Variants in PEX16 observed in about 807,000 individuals in gnomAD.
The protein encoded by PEX16 is peroxin 16.
Under a neutral mutation model 50.5 loss-of-function variants are expected in PEX16, and 37 were observed. The ratio of observed to expected loss-of-function variants is 0.73; its 90% confidence interval spans 0.56 to 0.96. The LOEUF (loss-of-function observed/expected upper bound fraction) is 0.96. PEX16 is among the 40% of genes least tolerant of loss of function. The pLI, the probability that PEX16 is intolerant of heterozygous loss-of-function variation, is 0.00. For missense variants in PEX16, 401 were observed against 438.3 expected (o/e 0.91, Z 0.76); for synonymous variants, 185 against 190.3 (o/e 0.97, Z 0.23).
intron 5 of PEX16, 44 bp from the exon 6 acceptor site, chr11:45,914,728 T>C (rs778674230): frequency 1.3e-6 from 2 of 1,525,448 alleles, no homozygotes; most frequent in Admixed American, 3.3e-5. Flanking sequence ...AGGGACATGC[T>C]TCCAGCGGAG....
chr11:45,911,325 G>A (rs535058732), intron 9 of PEX16, among the ~76,000 whole-genome samples: 6 of 152,162 alleles, frequency 3.9e-5, no homozygotes, highest in Admixed American at 3.3e-4. Flanking sequence ...CCCTGCCCTC[G>A]GGAAGCCCCC....
At chr11:45,910,548 G>A (rs1270654656) in intron 10 of PEX16, among the ~76,000 whole-genome samples, 2 of 152,182 alleles carry the variant, frequency 1.3e-5, no homozygotes, top group Non-Finnish European at 2.9e-5. Flanking sequence ...CCCAACCCAA[G>A]CCCAGTGGGC....
rs563691692 is a variant in PEX16, at chr11:45,910,309, G to A, written c.956C>T (p.Pro319Leu). 8 of 1,613,226 alleles carry A rather than the reference G, an allele frequency of 5.0e-6. No homozygotes were observed. The highest frequency in any genetic ancestry group is 1.7e-4 in the Middle Eastern group (1 of 6,022). The change falls in exon 11 of 11, where the codon CCG (proline) becomes CTG (leucine). Residue 319 changes from proline (P) to leucine (L), a missense_variant. By Grantham distance (98) the Pro-to-Leu change is moderately conservative (BLOSUM62 -3). Transcript: ENST00000378750. ...CCAGGTGGGCAAGTAATCCATGAGC[G>A]GCCCTGCAGTGGGAGAGGGACACAT... ...HVPGVGLVTR[P>L]LMDYLPTWQK...
chr11:45,910,836 G>A, intron 10 of PEX16, 62 bp downstream of exon 10: 2 of 1,334,996 alleles, frequency 1.5e-6, no homozygotes, highest in South Asian at 2.3e-5. Context: ...GAGGAGTCAG[G>A]GAGGTGCTTG....
chr11:45,916,183 C>T, intron 3 of PEX16, 44 bp downstream of exon 3: 1 of 1,421,290 alleles, frequency 7.0e-7, no homozygotes. Context: ...TATTTCATTC[C>T]TGAGTCCCCA....
chr11:45,915,427 C>A (rs1387318380), intron 5 of PEX16, 41 bp downstream of exon 5: 3 of 1,493,600 alleles, frequency 2.0e-6, no homozygotes, highest in East Asian at 4.5e-5. Context: ...CAAGTTAGTC[C>A]CATGGCCCAT....
In PEX16 at chr11:45,913,851, C is replaced by T. The variant is rs1288477248; in HGVS notation, c.855G>A (p.Leu285=). 1 of 1,613,816 alleles carries T rather than the reference C, an allele frequency of 6.2e-7. No individual in the cohort carries two copies. Among genetic ancestry groups the T allele is most frequent in the East Asian group, 2.2e-5 (1 of 44,882 alleles). ...AGCGGTCATAGAAAGGAGAGCGCAG[C>T]AGGTAGTAGAGCAGCAGGATGGTCC... ...RRRTILLLYY[L]LRSPFYDRFS... is the part of the protein sequence containing the mutation. Residue 285 remains leucine, a synonymous_variant, in exon 9 of 11, where the codon CTG becomes CTA. Coordinates refer to ENST00000378750, the MANE Select transcript of PEX16 (RefSeq NM_004813.4).
At chr11:45,912,528 G>A (rs2086789749) in intron 9 of PEX16, among the ~76,000 whole-genome samples, 1 of 152,042 alleles carries the variant, frequency 6.6e-6, no homozygotes, top group South Asian at 2.1e-4. Context: ...AAAAAAGACA[G>A]TGTCTCGCTC....
intron 9 of PEX16, among the ~76,000 whole-genome samples, chr11:45,912,415 C>T (rs2086788234): frequency 6.6e-6 from 1 of 151,988 alleles, no homozygotes. Flanking sequence ...AGGAGAATGG[C>T]ATGAACCCGG....
rs542465430 is a variant in PEX16, at chr11:45,915,456, G to C, written c.460+12C>G. On this transcript the variant is annotated intron_variant, in intron 5 of 10. Transcript: ENST00000378750. ...GGCCCATTCCGCTCCAGGGCTTGGGGAAGTAGCTCACCCGGGGGCTGTGCC... is the reference window on the plus strand; with the variant it reads ...GGCCCATTCCGCTCCAGGGCTTGGGCAAGTAGCTCACCCGGGGGCTGTGCC... 1.2e-6 allele frequency: 2 copies of C among 1,608,664 alleles called. No individual in the cohort carries two copies. The highest frequency in any genetic ancestry group is 1.7e-5 in the Admixed American group (1 of 60,026).
chr11:45,916,973 C>G (rs950982141), intron 2 of PEX16: 1 of 460,736 alleles, frequency 2.2e-6, no homozygotes, highest in Non-Finnish European at 4.3e-6. Flanking sequence ...CCTGGCCTCA[C>G]CTCTGCTTTT....
rs769199658 is a variant in PEX16, at chr11:45,913,865, G to A, written c.841C>T (p.Leu281=). Residue 281 remains leucine (L), a synonymous_variant, in exon 9 of 11, where the codon CTG becomes TTG. Coordinates refer to ENST00000378750, the MANE Select transcript of PEX16 (RefSeq NM_004813.4). Reference sequence around the variant, plus strand: ...GGAGAGCGCAGCAGGTAGTAGAGCAGCAGGATGGTCCGGCGCCGCAGCTCC... The same window carrying A: ...GGAGAGCGCAGCAGGTAGTAGAGCAACAGGATGGTCCGGCGCCGCAGCTCC... ...RRELRRRTIL[L]LYYLLRSPFY... The A allele has an allele frequency of 6.2e-7, 1 of 1,613,606 alleles. No individual in the cohort carries two copies.
chr11:45,916,147 T>G, intron 3 of PEX16, 80 bp downstream of exon 3: 1 of 1,018,928 alleles, frequency 9.8e-7, no homozygotes, highest in Non-Finnish European at 1.6e-6. Context: ...ATGAGACATG[T>G]GCTGCACGCA....
intron 2 of PEX16, 30 bp downstream of exon 2, chr11:45,917,428 C>G (rs200277050): frequency 9.6e-5 from 154 of 1,611,430 alleles, no homozygotes; most frequent in Non-Finnish European, 1.3e-4. Flanking sequence ...CAGCCGATCC[C>G]CCATCCCCCA....
chr11:45,910,071 C>A lies in PEX16; in HGVS notation c.*183G>T. The A allele has an allele frequency of 6.2e-7, 1 of 1,602,918 alleles. No individual in the cohort carries two copies. The highest frequency in any genetic ancestry group is 1.3e-5 in the African/African-American group (1 of 74,814). On this transcript the variant is annotated 3_prime_UTR_variant, in exon 11 of 11. Transcript: ENST00000378750. ...GACAAGGTGCGGGCTGCAGTGGCATCGTCACAGGAGAGCGCAGTCAAGGGT... is the reference window on the plus strand; with the variant it reads ...GACAAGGTGCGGGCTGCAGTGGCATAGTCACAGGAGAGCGCAGTCAAGGGT...
chr11:45,914,592 T>G lies in PEX16; in HGVS notation c.541+12A>C. ...CACCTAGGTGCCCAGGCCAGCCACA[T>G]CCTCCACTTACTGTTCTGGAGGGTT... On this transcript the variant is annotated intron_variant, in intron 6 of 10. Coordinates refer to ENST00000378750, the MANE Select transcript of PEX16 (RefSeq NM_004813.4). 1.2e-6 allele frequency: 2 copies of G among 1,613,816 alleles called. No homozygotes were observed. Among genetic ancestry groups the G allele is most frequent in the South Asian group, 2.2e-5 (2 of 91,082 alleles).
chr11:45,910,356 C>T (rs368461476), intron 10 of PEX16, 44 bp from the exon 11 acceptor site: 3 of 1,510,394 alleles, frequency 2.0e-6, no homozygotes, highest in Non-Finnish European at 1.8e-6. Context: ...AGACCCCAAT[C>T]TGCACTGTGG....
chr11:45,913,295 T>G (rs2086796840), intron 9 of PEX16, among the ~76,000 whole-genome samples: 1 of 152,172 alleles, frequency 6.6e-6, no homozygotes, highest in Non-Finnish European at 1.5e-5. Flanking sequence ...TGCCCCCTGC[T>G]CAACCCAGCA....
chr11:45,917,124 A>G, intron 2 of PEX16: 1 of 621,640 alleles, frequency 1.6e-6, no homozygotes, highest in Middle Eastern at 2.5e-4. Flanking sequence ...CTGTTCTCTA[A>G]CCTCACTGAG....
Sources: allele counts gnomAD v4.1 joint callset (sites outside exome capture counted in the v4.1 genomes callset), GRCh38; gene constraint gnomAD v4.1.1; transcripts MANE v1.5; gene names NCBI Gene and HGNC (gene_info 2026-07-23, HGNC 2026-07-21).